The following ATG10 variants were observed in gnomAD, a reference collection of about 807,000 sequenced individuals.
ATG10 encodes ubiquitin-like-conjugating enzyme ATG10.
Under a neutral mutation model 32.1 loss-of-function variants are expected in ATG10, and 30 were observed. The observed-to-expected ratio is 0.94, with a 90% CI of 0.70 to 1.27. The LOEUF is 1.27. Among genes scored for constraint, ATG10 ranks in the 50% most tolerant of loss-of-function variants. ATG10 has a pLI of 0.00. For missense variants in ATG10, 233 were observed against 262.3 expected, an observed-to-expected ratio of 0.89 and a Z score of 0.77; for synonymous variants, 87 against 91.5, an observed-to-expected ratio of 0.95 and a Z score of 0.28.
rs189165644 is a variant in ATG10 at position 82,009,707 on chromosome 5, A to G, written c.108+22029A>G. On this transcript the variant is annotated intron_variant, in intron 2 of 7. Transcript: ENST00000282185. The stretch of plus-strand genomic sequence containing the variant: ...TATTCATGCCTTCTTTCACTTTGCC[A>G]CAGATCACATGCATGCCATCCAACC... 1.2e-5 allele frequency: 19 copies of G among 1,589,496 alleles called. No individual in the cohort carries two copies. The Admixed American group carries it at 1.7e-4, about 14-fold the overall frequency.
rs1395906456 is a variant in ATG10 at position 82,165,766 on chromosome 5, TGCTATACTAAAAAGTAG to T, written c.355+1231_355+1247del. On this transcript the variant is annotated intron_variant, in intron 4 of 7. Transcript: ENST00000282185. The stretch of plus-strand genomic sequence containing the variant: ...AAGGAAGTTTCTTGTCAGTGAGCTG[TGCTATACTAAAAAGTAG>T]GAGATATATTTGTTTATTCAGGGGG... Among the ~76,000 whole-genome samples the T allele has an allele frequency of 2.0e-5, 3 of 152,218 alleles. No homozygotes were observed. The East Asian group carries it at 5.8e-4, about 29-fold the overall frequency.
intron 5 of ATG10, among the ~76,000 whole-genome samples, chr5:82,203,473 G>C (rs1210747313): frequency 2.6e-5 from 4 of 152,260 alleles, no homozygotes; most frequent in African/African-American, 4.8e-5. Flanking sequence ...TAGGGTAGTT[G>C]CTTTTTAAAT....
Position 82,224,032 on chromosome 5 carries a change from C to T in ATG10, c.454-28530C>T, listed in dbSNP as rs1359697924. On this transcript the variant is annotated intron_variant, in intron 5 of 7. Transcript: ENST00000282185. ...AAGGATTGCATACCTTTGGAAATAA[C>T]CAGCAGTCGGCCAGGGTGTGACAAG... Among the ~76,000 whole-genome samples the T allele has an allele frequency of 3.3e-5, 5 of 152,254 alleles. No individual in the cohort carries two copies. In the East Asian group the frequency reaches 9.6e-4, roughly 29 times the overall value.
At chr5:82,031,782 T>C (rs1056356080) in intron 2 of ATG10, among the ~76,000 whole-genome samples, 11 of 152,244 alleles carry the variant, frequency 7.2e-5, no homozygotes, top group African/African-American at 2.7e-4. Flanking sequence ...AAGCACACTC[T>C]TGCATTTGTG....
intron 5 of ATG10, among the ~76,000 whole-genome samples, chr5:82,187,519 C>CAA (rs11312827): frequency 1.7e-4 from 20 of 114,874 alleles, no homozygotes; most frequent in Non-Finnish European, 2.2e-4. Flanking sequence ...AGACTGTCTA[C>CAA]AAAAAAAAAA....
chr5:82,000,831 A>G (rs567107870), intron 2 of ATG10, among the ~76,000 whole-genome samples: 6 of 152,016 alleles, frequency 3.9e-5, no homozygotes, highest in African/African-American at 1.4e-4. Context: ...TAATTTTTGT[A>G]TTTTCAGTAG....
chr5:82,237,379 C>A (rs895858021), intron 5 of ATG10, among the ~76,000 whole-genome samples: 1 of 152,086 alleles, frequency 6.6e-6, no homozygotes, highest in African/African-American at 2.4e-5. Context: ...TGTGGTGGCT[C>A]ACACCTGTAA....
At chr5:82,204,178 TG>T (rs1323269531) in intron 5 of ATG10, among the ~76,000 whole-genome samples, 1 of 152,196 alleles carries the variant, frequency 6.6e-6, no homozygotes, top group African/African-American at 2.4e-5. Flanking sequence ...CTTTATTTTT[TG>T]TATGTTTTAT....
intron 3 of ATG10, among the ~76,000 whole-genome samples, chr5:82,094,770 T>C (rs557516174): frequency 6.6e-5 from 10 of 152,276 alleles, no homozygotes; most frequent in Non-Finnish European, 1.3e-4. Flanking sequence ...ATTTCCTTAG[T>C]TGTTAAATAT....
At chr5:82,156,353 G>A (rs1273318738) in intron 3 of ATG10, among the ~76,000 whole-genome samples, 1 of 152,162 alleles carries the variant, frequency 6.6e-6, no homozygotes, top group Non-Finnish European at 1.5e-5. Flanking sequence ...TGCTTATAAG[G>A]TGAAGTCTTA....
intron 2 of ATG10, among the ~76,000 whole-genome samples, chr5:82,050,218 G>A (rs1763367745): frequency 6.6e-6 from 1 of 151,872 alleles, no homozygotes; most frequent in South Asian, 2.1e-4. Context: ...TCCATTGTAT[G>A]GATGATTTTA....
intron 2 of ATG10, among the ~76,000 whole-genome samples, chr5:81,989,768 T>G (rs998825256): frequency 3.3e-5 from 5 of 152,064 alleles, no homozygotes; most frequent in African/African-American, 1.2e-4. Context: ...CTGGCTAATT[T>G]TTTTTTAATA....
intron 3 of ATG10, among the ~76,000 whole-genome samples, chr5:82,139,517 G>C (rs1291431780): frequency 9.8e-5 from 14 of 142,974 alleles, no homozygotes; most frequent in Non-Finnish European, 2.0e-4. Flanking sequence ...TGTGAGGAGC[G>C]CCTCTGCCCG....
chr5:82,141,160 C>A (rs1209818726), intron 3 of ATG10, among the ~76,000 whole-genome samples: 6 of 145,666 alleles, frequency 4.1e-5, no homozygotes, highest in Non-Finnish European at 7.5e-5. Flanking sequence ...ACCTTCCCTC[C>A]ACTATTGTCC....
chr5:82,149,779 A>G (rs1208466561), intron 3 of ATG10, among the ~76,000 whole-genome samples: 1 of 152,148 alleles, frequency 6.6e-6, no homozygotes, highest in African/African-American at 2.4e-5. Flanking sequence ...AAGACCTTTA[A>G]GGCACAAATA....
intron 5 of ATG10, among the ~76,000 whole-genome samples, chr5:82,219,788 T>C (rs866569727): frequency 6.6e-6 from 1 of 152,220 alleles, no homozygotes; most frequent in Non-Finnish European, 1.5e-5. Flanking sequence ...TTTAATTACT[T>C]ATGGACTTAT....
intron 2 of ATG10, among the ~76,000 whole-genome samples, chr5:82,024,958 T>C (rs1305262715): frequency 6.6e-6 from 1 of 152,168 alleles, no homozygotes; most frequent in Non-Finnish European, 1.5e-5. Context: ...GGTTTTTAGG[T>C]GGAGGAAAGG....
At chr5:81,972,589 G>C (rs1760755020) in intron 1 of ATG10, 1 of 152,214 alleles carries the variant, frequency 6.6e-6, no homozygotes. Context: ...AAGCACCCTC[G>C]AAGTGGGTAG....
At chr5:81,992,410 A>G (rs1211666897) in intron 2 of ATG10, 1 of 150,998 alleles carries the variant, frequency 6.6e-6, no homozygotes, top group Admixed American at 6.6e-5. Flanking sequence ...AATTAAATTA[A>G]ATTTTTTTTT....
Sources: allele counts gnomAD v4.1 joint callset (sites outside exome capture counted in the v4.1 genomes callset), GRCh38; gene constraint gnomAD v4.1.1; transcripts MANE v1.5; gene names NCBI Gene and HGNC (gene_info 2026-07-23, HGNC 2026-07-21).